NSMCE2: variants seen among roughly 807,000 people sequenced by gnomAD.
NSMCE2 encodes the protein E3 SUMO-protein ligase NSE2.
Under a neutral mutation model 23.8 loss-of-function variants are expected in NSMCE2, and 24 were observed. The ratio of observed to expected loss-of-function variants is 1.01; its 90% confidence interval spans 0.73 to 1.42. The LOEUF (loss-of-function observed/expected upper bound fraction) is 1.42, where lower values mean the gene tolerates loss of function less well. Ranked by LOEUF, NSMCE2 falls within the 40% of genes most tolerant of loss-of-function variation. NSMCE2 has a pLI of 0.00. For missense variants in NSMCE2, 284 were observed against 296.5 expected, an observed-to-expected ratio of 0.96 and a Z score of 0.31; for synonymous variants, 92 against 94.1, an observed-to-expected ratio of 0.98 and a Z score of 0.13.
At chr8:125,123,189 A>C (rs1236921956) in intron 3 of NSMCE2, among the ~76,000 whole-genome samples, 2 of 152,212 alleles carry the variant, frequency 1.3e-5, no homozygotes, top group Non-Finnish European at 2.9e-5. Flanking sequence ...AAAGAGTACG[A>C]TATAAGCCTT....
At chr8:125,187,757 G>A (rs568946536) in intron 5 of NSMCE2, among the ~76,000 whole-genome samples, 2 of 152,126 alleles carry the variant, frequency 1.3e-5, no homozygotes, top group South Asian at 4.1e-4. Context: ...AAAATATAAG[G>A]GCTTTGCTTT....
intron 5 of NSMCE2, among the ~76,000 whole-genome samples, chr8:125,257,572 C>T (rs1324811986): frequency 1.5e-5 from 2 of 137,776 alleles, no homozygotes; most frequent in Non-Finnish European, 3.1e-5. Flanking sequence ...CTCGCTCTGT[C>T]GCCCAGGCTG....
intron 5 of NSMCE2, among the ~76,000 whole-genome samples, chr8:125,319,496 C>T (rs1336943761): frequency 6.6e-6 from 1 of 152,038 alleles, no homozygotes; most frequent in Non-Finnish European, 1.5e-5. Context: ...AAAGATTGCC[C>T]ATGTTAATTA....
At chr8:125,141,515 C>G (rs1186858520) in intron 3 of NSMCE2, among the ~76,000 whole-genome samples, 3 of 152,158 alleles carry the variant, frequency 2.0e-5, no homozygotes, top group Admixed American at 6.5e-5. Context: ...TTCCTTATCT[C>G]TACAATATGT....
chr8:125,102,183 A>C (rs1245857779), intron 2 of NSMCE2, 37 bp downstream of exon 2: 6 of 649,852 alleles, frequency 9.2e-6, no homozygotes, highest in Non-Finnish European at 1.6e-5. Flanking sequence ...TCTCTATAGG[A>C]TATACAGAAT....
chr8:125,343,263 C>T (rs943689053), intron 5 of NSMCE2, among the ~76,000 whole-genome samples: 1 of 152,194 alleles, frequency 6.6e-6, no homozygotes, highest in Non-Finnish European at 1.5e-5. Context: ...AACACAGGTA[C>T]TTCCTCCTTC....
At chr8:125,256,157 C>G (rs1043701982) in intron 5 of NSMCE2, among the ~76,000 whole-genome samples, 18 of 151,896 alleles carry the variant, frequency 1.2e-4, no homozygotes, top group African/African-American at 4.4e-4. Flanking sequence ...GTGGCGTGCA[C>G]CTGTAGTCCC....
intron 5 of NSMCE2, among the ~76,000 whole-genome samples, chr8:125,305,813 G>C (rs1455728379): frequency 2.0e-5 from 3 of 152,164 alleles, no homozygotes; most frequent in African/African-American, 7.2e-5. Context: ...AGTCAGCTGG[G>C]TATTGAGAGT....
At chr8:125,254,186 C>T (rs1435362283) in intron 5 of NSMCE2, among the ~76,000 whole-genome samples, 1 of 152,130 alleles carries the variant, frequency 6.6e-6, no homozygotes, top group Non-Finnish European at 1.5e-5. Context: ...ACTCTAATAT[C>T]TCTATTGAAA....
At chr8:125,126,494 G>A (rs1002120784) in intron 3 of NSMCE2, among the ~76,000 whole-genome samples, 27 of 152,196 alleles carry the variant, frequency 1.8e-4, no homozygotes, top group African/African-American at 5.3e-4. Flanking sequence ...TTAACTTCAG[G>A]TTGGGCCTTT....
intron 4 of NSMCE2, among the ~76,000 whole-genome samples, chr8:125,177,297 A>G (rs1822546236): frequency 6.6e-6 from 1 of 152,222 alleles, no homozygotes; most frequent in Non-Finnish European, 1.5e-5. Flanking sequence ...ATTTCAACCC[A>G]GAGTGGATTC....
intron 5 of NSMCE2, among the ~76,000 whole-genome samples, chr8:125,211,128 A>G (rs1303483824): frequency 6.6e-6 from 1 of 152,146 alleles, no homozygotes; most frequent in African/African-American, 2.4e-5. Flanking sequence ...TACATTTTAT[A>G]TGTGTATGTA....
At chr8:125,135,253 A>G (rs971848551) in intron 3 of NSMCE2, among the ~76,000 whole-genome samples, 1 of 151,860 alleles carries the variant, frequency 6.6e-6, no homozygotes, top group South Asian at 2.1e-4. Context: ...CTCTCTCTAT[A>G]TTGCCCAGGT....
At chr8:125,356,656 T>C (rs1276331406) in intron 5 of NSMCE2, among the ~76,000 whole-genome samples, 1 of 152,178 alleles carries the variant, frequency 6.6e-6, no homozygotes, top group Non-Finnish European at 1.5e-5. Context: ...AATTTTAAAT[T>C]CCTTAATCTT....
At chr8:125,289,303 A>G (rs2131156303) in intron 5 of NSMCE2, among the ~76,000 whole-genome samples, 1 of 152,310 alleles carries the variant, frequency 6.6e-6, no homozygotes, top group Non-Finnish European at 1.5e-5. Flanking sequence ...GGACAACTGG[A>G]TGTTAACATG....
At chr8:125,264,499 T>C (rs1406122504) in intron 5 of NSMCE2, among the ~76,000 whole-genome samples, 1 of 152,156 alleles carries the variant, frequency 6.6e-6, no homozygotes, top group East Asian at 1.9e-4. Context: ...CTCTGCCTCC[T>C]GGGTTGAAAC....
intron 3 of NSMCE2, among the ~76,000 whole-genome samples, chr8:125,146,098 T>C (rs574088254): frequency 9.9e-5 from 15 of 152,184 alleles, no homozygotes; most frequent in Non-Finnish European, 1.6e-4. Context: ...CTGAGTGGCA[T>C]TGTCTAGTGT....
intron 1 of NSMCE2, among the ~76,000 whole-genome samples, chr8:125,098,302 A>G (rs947307856): frequency 2.0e-5 from 3 of 152,158 alleles, no homozygotes; most frequent in Non-Finnish European, 4.4e-5. Flanking sequence ...GGGCCTGAGA[A>G]TTTGCATTTC....
chr8:125,122,842 C>A (rs571237203), intron 3 of NSMCE2, among the ~76,000 whole-genome samples: 2 of 152,180 alleles, frequency 1.3e-5, no homozygotes, highest in South Asian at 4.1e-4. Context: ...TTAATAATAT[C>A]CTGTTTCCCA....
Sources: allele counts gnomAD v4.1 joint callset (sites outside exome capture counted in the v4.1 genomes callset), GRCh38; gene constraint gnomAD v4.1.1; transcripts MANE v1.5; gene names NCBI Gene and HGNC (gene_info 2026-07-23, HGNC 2026-07-21).